Variants in MTNR1A observed in about 807,000 individuals in gnomAD.
MTNR1A encodes the protein melatonin receptor type 1A.
Under a neutral mutation model 5.5 loss-of-function variants are expected in MTNR1A, and 7 were observed. The ratio of observed to expected loss-of-function variants is 1.28; its 90% CI spans 0.73 to 2.40. The LOEUF (loss-of-function observed/expected upper bound fraction) is 2.40, where lower values mean the gene tolerates loss of function less well. Among genes scored for constraint, MTNR1A ranks in the 30% most tolerant of loss-of-function variants. The pLI, the probability that MTNR1A is intolerant of heterozygous loss-of-function variation, is 0.00. For missense variants in MTNR1A, 441 were observed against 464.4 expected (o/e 0.95, Z 0.46); for synonymous variants, 196 against 202.7 (o/e 0.97, Z 0.28).
intron 1 of MTNR1A, among the ~76,000 whole-genome samples, chr4:186,538,846 C>A (rs62350385): frequency 0.058 from 8,759 of 152,186 alleles, 266 homozygotes; most frequent in South Asian, 0.068. Flanking sequence ...ATAGGACTAG[C>A]TTTAAAGTAT....
intron 1 of MTNR1A, among the ~76,000 whole-genome samples, chr4:186,540,824 T>TCTGA (rs750863463): frequency 1.8e-4 from 18 of 99,618 alleles, no homozygotes; most frequent in East Asian, 1.2e-3. Context: ...CCAGGTGCTG[T>TCTGA]CTGACTGAAG....
intron 1 of MTNR1A, among the ~76,000 whole-genome samples, chr4:186,538,632 T>C (rs778101949): frequency 4.6e-5 from 7 of 152,156 alleles, no homozygotes; most frequent in Non-Finnish European, 1.0e-4. Context: ...CTTAAATCCG[T>C]GGACTTTAGA....
chr4:186,534,138 T>A lies in MTNR1A; in HGVS notation c.604A>T (p.Ile202Leu). 1 of 1,613,806 alleles carries A rather than the reference T, an allele frequency of 6.2e-7. No individual in the cohort carries two copies. Among genetic ancestry groups the A allele is most frequent in the Non-Finnish European group, 8.5e-7 (1 of 1,179,756 alleles). The change falls in exon 2 of 2, where the codon ATA (isoleucine) becomes TTA (leucine). Residue 202 changes from isoleucine (I) to leucine (L), a missense_variant. By Grantham distance (5) the Ile-to-Leu change is conservative. Coordinates refer to ENST00000307161, the MANE Select transcript of MTNR1A (RefSeq NM_005958.4). ...VVFHFLVPMI[I>L]VIFCYLRIWI... ...ATTCTCAGGTAACAGAAGATGACTATGATCATGGGGACGAGGAAGTGGAAA... is the reference window on the plus strand; with the variant it reads ...ATTCTCAGGTAACAGAAGATGACTAAGATCATGGGGACGAGGAAGTGGAAA...
intron 1 of MTNR1A, among the ~76,000 whole-genome samples, chr4:186,545,396 G>A (rs999005793): frequency 6.6e-6 from 1 of 152,060 alleles, no homozygotes; most frequent in Non-Finnish European, 1.5e-5. Flanking sequence ...ACACACATTC[G>A]CACAGCCGTC....
chr4:186,543,272 T>C (rs1737068232), intron 1 of MTNR1A, among the ~76,000 whole-genome samples: 1 of 152,200 alleles, frequency 6.6e-6, no homozygotes, highest in African/African-American at 2.4e-5. Flanking sequence ...AGATCTGGCA[T>C]GCCAGAAATC....
Position 186,533,878 on chromosome 4 carries a change from GC to G in MTNR1A, c.863del (p.Ser288ThrfsTer11). 1 of 1,614,158 alleles carries G rather than the reference GC, an allele frequency of 6.2e-7. No homozygotes were observed. Among genetic ancestry groups the G allele is most frequent in the Non-Finnish European group, 8.5e-7 (1 of 1,180,014 alleles). ...GCCCGTATATAATGGCATTGAGGCA[GC>G]TGTTGAAATACGCCATGTAGTAACT... Reference protein sequence around the residue: ...VASYYMAYFNSCLNAIIYGLL... With the variant: ...VASYYMAYFNXCLNAIIYGLL... On this transcript the variant is annotated frameshift_variant, in exon 2 of 2. Transcript: ENST00000307161. LOFTEE classifies it high-confidence loss of function.
At chr4:186,547,770 T>A (rs2111383992) in intron 1 of MTNR1A, among the ~76,000 whole-genome samples, 1 of 152,336 alleles carries the variant, frequency 6.6e-6, no homozygotes, top group South Asian at 2.1e-4. Flanking sequence ...GCATATACAC[T>A]GTATATACAA....
rs570694062 is a variant in MTNR1A at position 186,546,319 on chromosome 4, C to G, written c.184+8863G>C. On this transcript the variant is annotated intron_variant, in intron 1 of 1. Transcript: ENST00000307161. ...AGGGGTCTCTCCATAGCCGATGAGC[C>G]TCCTCTCATCCCCCACCCCTCCTGC... 1.4e-3 allele frequency among the ~76,000 whole-genome samples: 217 copies of G among 152,078 alleles called. 1 individual carries two copies. The highest frequency in any genetic ancestry group is 4.7e-3 in the Admixed American group (72 of 15,290).
At chr4:186,541,214 C>T (rs2111375041) in intron 1 of MTNR1A, among the ~76,000 whole-genome samples, 1 of 152,326 alleles carries the variant, frequency 6.6e-6, no homozygotes, top group Admixed American at 6.5e-5. Flanking sequence ...GGTTGCAGCA[C>T]TACAGACCCA....
chr4:186,554,622 A>T (rs1280236596), intron 1 of MTNR1A, among the ~76,000 whole-genome samples: 1 of 152,136 alleles, frequency 6.6e-6, no homozygotes, highest in Non-Finnish European at 1.5e-5. Context: ...CTCTAACACA[A>T]CAACTTCCGT....
intron 1 of MTNR1A, among the ~76,000 whole-genome samples, chr4:186,550,644 C>G (rs1737250072): frequency 6.6e-6 from 1 of 152,038 alleles, no homozygotes; most frequent in Admixed American, 6.6e-5. Flanking sequence ...CTATTTTATC[C>G]TAGGTTAACT....
In MTNR1A at chr4:186,534,319, G is replaced by A; in HGVS notation, c.423C>T (p.Ser141=). The change falls in exon 2 of 2, where the codon AGC becomes AGT. Residue 141 remains serine, a synonymous_variant. Transcript: ENST00000307161. ...GGAGCACGTAGCAGAGGGAGTTCTT[G>A]CTGCTGTACAGTTTGTCGTACTTGA... ...HSLKYDKLYS[S]KNSLCYVLLI... 3 of 1,614,134 alleles carry A rather than the reference G, an allele frequency of 1.9e-6. No individual in the cohort carries two copies. The highest frequency in any genetic ancestry group is 2.5e-6 in the Non-Finnish European group (3 of 1,180,024).
intron 1 of MTNR1A, among the ~76,000 whole-genome samples, chr4:186,551,143 G>A (rs959835428): frequency 2.0e-5 from 3 of 152,176 alleles, no homozygotes; most frequent in Non-Finnish European, 2.9e-5. Context: ...AAGTTACGTC[G>A]TAGGTTTTTG....
intron 1 of MTNR1A, among the ~76,000 whole-genome samples, chr4:186,552,802 C>T (rs892077546): frequency 4.6e-5 from 7 of 152,140 alleles, no homozygotes; most frequent in African/African-American, 1.7e-4. Flanking sequence ...GGGAATCGTC[C>T]CTTATGCTAT....
intron 1 of MTNR1A, among the ~76,000 whole-genome samples, chr4:186,552,136 C>A (rs551258930): frequency 1.3e-5 from 2 of 152,320 alleles, no homozygotes; most frequent in African/African-American, 4.8e-5. Context: ...CTGTTCACAT[C>A]TTCACAATGT....
chr4:186,555,383 C>T lies in MTNR1A; in HGVS notation c.-18G>A, dbSNP rs1412000391. On this transcript the variant is annotated 5_prime_UTR_variant, in exon 1 of 2. Coordinates refer to ENST00000307161, the MANE Select transcript of MTNR1A (RefSeq NM_005958.4). The surrounding 1 kb of genome is among the most constrained non-coding windows in gnomAD (Gnocchi z 4.1). Reference sequence around the variant, plus strand: ...CCCTGCATGGTCCCTGTGCGCGTCCCGGCCGCGGGGCCATCGCCCGCCTCG... The same window carrying T: ...CCCTGCATGGTCCCTGTGCGCGTCCTGGCCGCGGGGCCATCGCCCGCCTCG... 4 of 1,411,890 alleles carry T rather than the reference C, an allele frequency of 2.8e-6. No individual in the cohort carries two copies. Among genetic ancestry groups the T allele is most frequent in the Admixed American group, 6.0e-5 (2 of 33,560 alleles). 87.5% of individuals were successfully genotyped at this position (1,411,890 alleles called of 1,614,324 possible).
At chr4:186,553,237 A>G (rs1737298015) in intron 1 of MTNR1A, among the ~76,000 whole-genome samples, 1 of 152,254 alleles carries the variant, frequency 6.6e-6, no homozygotes, top group East Asian at 1.9e-4. Context: ...TGAATCAGCT[A>G]TCCTTATCAC....
intron 1 of MTNR1A, among the ~76,000 whole-genome samples, chr4:186,553,897 G>A (rs1020133798): frequency 1.3e-5 from 2 of 152,214 alleles, no homozygotes; most frequent in Admixed American, 6.5e-5. Flanking sequence ...GAGCTCTGGA[G>A]GCCAGCTCTG....
Position 186,534,445 on chromosome 4 carries a change from G to C in MTNR1A, c.297C>G (p.His99Gln). ...FNNGWNLGYL[H>Q]CQVSGFLMGL... ...CCATCAGGAACCCACTGACTTGGCA[G>C]TGCAGATAGCCCAGGTTCCACCCGT... The change falls in exon 2 of 2, where the codon CAC (histidine) becomes CAG (glutamine). Residue 99 changes from histidine (H) to glutamine (Q), a missense_variant. Coordinates refer to ENST00000307161, the MANE Select transcript of MTNR1A (RefSeq NM_005958.4). The C allele has an allele frequency of 6.2e-7, 1 of 1,614,174 alleles. No homozygotes were observed. The highest frequency in any genetic ancestry group is 8.5e-7 in the Non-Finnish European group (1 of 1,180,042).
Sources: allele counts gnomAD v4.1 joint callset (sites outside exome capture counted in the v4.1 genomes callset), GRCh38; gene constraint gnomAD v4.1.1; non-coding constraint Gnocchi (gnomAD v3.1); transcripts MANE v1.5; gene names NCBI Gene and HGNC (gene_info 2026-07-23, HGNC 2026-07-21).